CNN3: variants seen among roughly 807,000 people sequenced by gnomAD.
CNN3 encodes calponin 3, also known as calponin-3.
CNN3 carries 11 observed loss-of-function variants against 39.0 expected under a neutral mutation model. The ratio of observed to expected loss-of-function variants is 0.28; its 90% confidence interval spans 0.18 to 0.47. CNN3 has a LOEUF of 0.47. CNN3 is among the 20% of genes least tolerant of loss of function. The pLI, the probability that CNN3 is intolerant of heterozygous loss-of-function variation, is 0.99. For missense variants in CNN3, 266 were observed against 403.4 expected (o/e 0.66, Z 2.92); for synonymous variants, 101 against 138.3 (o/e 0.73, Z 1.89).
intron 1 of CNN3, among the ~76,000 whole-genome samples, chr1:94,921,679 G>T (rs1198909729): frequency 6.6e-6 from 1 of 152,100 alleles, no homozygotes; most frequent in East Asian, 1.9e-4. Context: ...GATTGTTTCT[G>T]AAATCTAAAG....
intron 6 of CNN3, among the ~76,000 whole-genome samples, chr1:94,898,846 T>C (rs928665303): frequency 6.6e-6 from 1 of 152,206 alleles, no homozygotes; most frequent in African/African-American, 2.4e-5. Flanking sequence ...ATGTGAGACC[T>C]GTCTGTTCTC....
chr1:94,921,262 G>A (rs1479972342), intron 1 of CNN3, among the ~76,000 whole-genome samples: 1 of 152,178 alleles, frequency 6.6e-6, no homozygotes, highest in Non-Finnish European at 1.5e-5. Context: ...AGATGTGGTG[G>A]CAGGTGCCTG....
At chr1:94,922,774 CCTAT>C (rs1671479759) in intron 1 of CNN3, among the ~76,000 whole-genome samples, 1 of 152,186 alleles carries the variant, frequency 6.6e-6, no homozygotes, top group Non-Finnish European at 1.5e-5. Flanking sequence ...GGACACTGGT[CCTAT>C]CTAATTATTA....
intron 1 of CNN3, among the ~76,000 whole-genome samples, chr1:94,910,248 C>T (rs1390378326): frequency 2.6e-5 from 4 of 152,120 alleles, no homozygotes; most frequent in Admixed American, 1.3e-4. Flanking sequence ...TCCATTAATC[C>T]TTCTTTCTGT....
At chr1:94,914,217 A>G (rs903582518) in intron 1 of CNN3, among the ~76,000 whole-genome samples, 1 of 152,162 alleles carries the variant, frequency 6.6e-6, no homozygotes, top group African/African-American at 2.4e-5. Flanking sequence ...CATGGGTAAC[A>G]CTGAAGAACT....
intron 1 of CNN3, among the ~76,000 whole-genome samples, chr1:94,922,227 C>T (rs1671465121): frequency 6.6e-6 from 1 of 152,130 alleles, no homozygotes. Context: ...CCAACCTGGG[C>T]AACATAGCGA....
At chr1:94,903,335 A>AGAG in intron 2 of CNN3, 68 bp downstream of exon 2, 1 of 1,544,694 alleles carries the variant, frequency 6.5e-7, no homozygotes, top group Non-Finnish European at 8.7e-7. Flanking sequence ...GCTGAGAAGG[A>AGAG]GAGTGAGAGA....
At chr1:94,925,610 T>C in intron 1 of CNN3, 1 of 985,446 alleles carries the variant, frequency 1.0e-6, no homozygotes, top group Non-Finnish European at 1.2e-6. Flanking sequence ...CCCTTGGGGT[T>C]TGACAACGGT....
At chr1:94,914,877 T>C (rs1454503637) in intron 1 of CNN3, among the ~76,000 whole-genome samples, 1 of 152,050 alleles carries the variant, frequency 6.6e-6, no homozygotes, top group African/African-American at 2.4e-5. Context: ...TAGGATAGAA[T>C]TTCCCATTTT....
chr1:94,907,808 T>A (rs545031748), intron 1 of CNN3, among the ~76,000 whole-genome samples: 5 of 152,166 alleles, frequency 3.3e-5, no homozygotes, highest in Admixed American at 6.5e-5. Context: ...TGCAGTGAGC[T>A]GAGATGGTGC....
intron 1 of CNN3, 95 bp from the exon 2 acceptor site, chr1:94,903,619 C>A: frequency 1.3e-6 from 2 of 1,521,540 alleles, no homozygotes; most frequent in Admixed American, 1.7e-5. Flanking sequence ...CCATTAAGAC[C>A]ACAGCTGTGA....
chr1:94,921,193 G>C (rs953679189), intron 1 of CNN3, among the ~76,000 whole-genome samples: 7 of 152,178 alleles, frequency 4.6e-5, no homozygotes, highest in Non-Finnish European at 1.0e-4. Context: ...TCAGGCGTTT[G>C]AGACCAGCCT....
rs1328256278 is a variant in CNN3 at position 94,902,272 on chromosome 1, G to C, written c.247-14C>G. Reference sequence around the variant, plus strand: ...AATATTCTCCAACTATAAAGAAGAAGAGTTTTATAATTTCTGGAGCTAAAT... The same window carrying C: ...AATATTCTCCAACTATAAAGAAGAACAGTTTTATAATTTCTGGAGCTAAAT... On this transcript the variant is annotated splice_polypyrimidine_tract_variant and intron_variant, in intron 3 of 6. Coordinates refer to ENST00000370206, the MANE Select transcript of CNN3 (RefSeq NM_001839.5). 1 of 1,600,040 alleles carries C rather than the reference G, an allele frequency of 6.2e-7. No homozygotes were observed. The highest frequency in any genetic ancestry group is 2.2e-5 in the East Asian group (1 of 44,836).
chr1:94,901,123 G>A (rs140192488), intron 5 of CNN3, among the ~76,000 whole-genome samples: 14,250 of 152,062 alleles, frequency 0.094, 1,263 homozygotes, highest in East Asian at 0.37. Context: ...GGAGGCCGAG[G>A]TGGGCAGATC....
At position 94,909,900 on chromosome 1, in the gene CNN3, G is replaced by C. The variant is rs3789702; in HGVS notation, c.58-6376C>G. 1.0e-3 allele frequency among the ~76,000 whole-genome samples: 156 copies of C among 152,278 alleles called. No homozygotes were observed. The East Asian group carries it at 0.024, about 23-fold the overall frequency. The stretch of plus-strand genomic sequence containing the variant: ...ATGGGGGCACATCTGCCATGAGGTA[G>C]AGTGATGACATTCATGTACAAGAAC... On this transcript the variant is annotated intron_variant, in intron 1 of 6. Transcript: ENST00000370206.
intron 1 of CNN3, among the ~76,000 whole-genome samples, chr1:94,918,201 G>A (rs1671335820): frequency 1.3e-5 from 2 of 152,046 alleles, no homozygotes; most frequent in Admixed American, 1.3e-4. Flanking sequence ...GTTGTAGAAA[G>A]GACTAATTGG....
chr1:94,902,660 C>T (rs940175144), intron 3 of CNN3, among the ~76,000 whole-genome samples: 3 of 152,110 alleles, frequency 2.0e-5, no homozygotes, highest in Non-Finnish European at 4.4e-5. Context: ...TTACTAAATA[C>T]TCATTCTCTC....
Position 94,897,375 on chromosome 1 carries a change from A to AGT in CNN3, c.*366_*367insAC, listed in dbSNP as rs2101713088. 2.4e-5 allele frequency: 1 copy of AGT among 41,638 alleles called. No homozygotes were observed. The highest frequency in any genetic ancestry group is 2.5e-4 in the Admixed American group (1 of 3,930). The allele number at this position is 41,638 out of a possible 1,614,324, so 2.6% of individuals were successfully genotyped here. A position where few individuals can be genotyped will look rare whatever the true frequency, so the allele number is the denominator to read the frequency against. On this transcript the variant is annotated 3_prime_UTR_variant, in exon 7 of 7. Transcript: ENST00000370206. ...GAAACCAGATACACTAAACTGTAAA[A>AGT]AAAAAAAAAAAAAAAAAAAGTTTCC...
chr1:94,919,063 G>A (rs750870406), intron 1 of CNN3, among the ~76,000 whole-genome samples: 1 of 152,232 alleles, frequency 6.6e-6, no homozygotes, highest in South Asian at 2.1e-4. Flanking sequence ...AAAAAGAAGG[G>A]GGGGAAGCTC....
Sources: gnomAD v4.1 joint callset for allele counts (sites outside exome capture counted in the v4.1 genomes callset) on GRCh38, gnomAD v4.1.1 for gene constraint, MANE v1.5 for transcripts, NCBI Gene and HGNC (gene_info 2026-07-23, HGNC 2026-07-21) for gene names.